ANKS1B: variants seen among roughly 807,000 people sequenced by gnomAD.
ANKS1B encodes ankyrin repeat and sterile alpha motif domain-containing protein 1B.
In ANKS1B, 36 loss-of-function variants were observed where a neutral mutation model predicts 148.3. That is an observed-to-expected ratio of 0.24 (90% confidence interval 0.19 to 0.32). The LOEUF (loss-of-function observed/expected upper bound fraction) is 0.32. ANKS1B is among the 10% of genes least tolerant of loss of function. The pLI is 1.00. For synonymous variants in ANKS1B, 542 were observed against 560.8 expected (o/e 0.97, Z 0.47); for missense variants, 1,157 against 1,542.6 (o/e 0.75, Z 4.19).
intron 17 of ANKS1B, among the ~76,000 whole-genome samples, chr12:99,036,932 C>G (rs920638835): frequency 1.3e-5 from 2 of 152,316 alleles, no homozygotes; most frequent in East Asian, 3.9e-4. Flanking sequence ...ACAGAATCAC[C>G]ATAAGGCTCT....
chr12:98,766,029 T>C (rs1213424270), intron 25 of ANKS1B, among the ~76,000 whole-genome samples: 1 of 152,214 alleles, frequency 6.6e-6, no homozygotes, highest in Non-Finnish European at 1.5e-5. Context: ...AACAAATACA[T>C]GCATAAATGC....
At chr12:99,398,001 T>C (rs1223644701) in intron 12 of ANKS1B, among the ~76,000 whole-genome samples, 1 of 152,104 alleles carries the variant, frequency 6.6e-6, no homozygotes, top group East Asian at 1.9e-4. Context: ...AAAGCCAGTA[T>C]GGCCAGGATG....
At chr12:99,713,938 T>C (rs2056964788) in intron 8 of ANKS1B, among the ~76,000 whole-genome samples, 1 of 152,220 alleles carries the variant, frequency 6.6e-6, no homozygotes, top group Non-Finnish European at 1.5e-5. Flanking sequence ...TCTGCTCCAA[T>C]AAATTCTCAC....
intron 17 of ANKS1B, among the ~76,000 whole-genome samples, chr12:98,907,204 T>C (rs190224299): frequency 1.5e-3 from 231 of 152,336 alleles, no homozygotes; most frequent in African/African-American, 5.3e-3. Flanking sequence ...CCCCTTTGCA[T>C]ATTCGTTGTT....
At chr12:98,803,428 G>A (rs540035850) in intron 20 of ANKS1B, among the ~76,000 whole-genome samples, 1 of 152,264 alleles carries the variant, frequency 6.6e-6, no homozygotes, top group South Asian at 2.1e-4. Context: ...AACAGGTATT[G>A]TACATTTAAG....
At chr12:99,438,541 C>T (rs2095498200) in intron 11 of ANKS1B, among the ~76,000 whole-genome samples, 1 of 151,848 alleles carries the variant, frequency 6.6e-6, no homozygotes, top group Non-Finnish European at 1.5e-5. Flanking sequence ...TCCAAAGTCC[C>T]AATCAACAAG....
intron 14 of ANKS1B, among the ~76,000 whole-genome samples, chr12:99,200,266 A>C (rs1265163199): frequency 6.6e-6 from 1 of 152,238 alleles, no homozygotes; most frequent in African/African-American, 2.4e-5. Context: ...ATCAGATAAA[A>C]TATTTATGAT....
intron 11 of ANKS1B, among the ~76,000 whole-genome samples, chr12:99,440,535 A>AATCCTC (rs1399331722): frequency 6.6e-6 from 1 of 151,828 alleles, no homozygotes; most frequent in Non-Finnish European, 1.5e-5. Flanking sequence ...TGAATTTGAA[A>AATCCTC]TAGATTGCTT....
intron 4 of ANKS1B, among the ~76,000 whole-genome samples, chr12:99,805,710 C>T (rs1319755625): frequency 6.6e-6 from 1 of 151,816 alleles, no homozygotes; most frequent in Non-Finnish European, 1.5e-5. Context: ...TGTGGAGAAA[C>T]AAAACCTATC....
intron 14 of ANKS1B, among the ~76,000 whole-genome samples, chr12:99,176,664 G>A (rs532107074): frequency 6.6e-5 from 10 of 152,252 alleles, no homozygotes; most frequent in African/African-American, 2.4e-4. Context: ...TGAATGGCTT[G>A]GGCCATCCCC....
intron 9 of ANKS1B, chr12:99,649,166 C>A: frequency 1.3e-6 from 1 of 782,628 alleles, no homozygotes; most frequent in Non-Finnish European, 2.2e-6. Context: ...CACTTATATA[C>A]ATTGGTGGCA....
intron 15 of ANKS1B, among the ~76,000 whole-genome samples, chr12:99,088,574 A>G (rs2052795166): frequency 6.6e-6 from 1 of 152,152 alleles, no homozygotes; most frequent in Non-Finnish European, 1.5e-5. Context: ...TGACAAATCA[A>G]TCTTGGTATG....
At chr12:99,520,888 C>A (rs887785249) in intron 9 of ANKS1B, among the ~76,000 whole-genome samples, 7 of 152,270 alleles carry the variant, frequency 4.6e-5, no homozygotes, top group South Asian at 2.1e-4. Flanking sequence ...CCTTCACTTC[C>A]TTGGTTCAAA....
At chr12:99,428,629 T>G (rs2152741120) in intron 11 of ANKS1B, among the ~76,000 whole-genome samples, 1 of 152,320 alleles carries the variant, frequency 6.6e-6, no homozygotes, top group South Asian at 2.1e-4. Context: ...TGTATATTTG[T>G]GTATACATAC....
chr12:99,151,691 G>A (rs1050708116), intron 15 of ANKS1B, among the ~76,000 whole-genome samples: 1 of 152,074 alleles, frequency 6.6e-6, no homozygotes, highest in Non-Finnish European at 1.5e-5. Flanking sequence ...AACAGATTTA[G>A]CAAATAATTT....
At position 98,875,939 on chromosome 12, in the gene ANKS1B, T is replaced by C. The variant is rs544537720; in HGVS notation, c.2779-43803A>G. 9.2e-5 allele frequency among the ~76,000 whole-genome samples: 14 copies of C among 152,232 alleles called. No individual in the cohort carries two copies. The South Asian group carries it at 2.7e-3, about 29-fold the overall frequency. On this transcript the variant is annotated intron_variant, in intron 17 of 26. Coordinates refer to ENST00000683438, the MANE Select transcript of ANKS1B (RefSeq NM_001352186.2). ...CACCTGTTGGCCGGTGGCTCTTGAA[T>C]TCAGTCTTCCTCATTCATCTGGCCT...
chr12:99,015,225 G>T (rs566932969), intron 17 of ANKS1B, among the ~76,000 whole-genome samples: 1 of 152,106 alleles, frequency 6.6e-6, no homozygotes, highest in Non-Finnish European at 1.5e-5. Context: ...TCCTTTGCAG[G>T]GACATGGATG....
At chr12:99,051,422 T>A (rs1177567631) in intron 17 of ANKS1B, among the ~76,000 whole-genome samples, 1 of 152,214 alleles carries the variant, frequency 6.6e-6, no homozygotes. Context: ...AAATGTTACA[T>A]AGGGATATTT....
At chr12:99,607,044 G>A (rs933865615) in intron 9 of ANKS1B, among the ~76,000 whole-genome samples, 39 of 152,096 alleles carry the variant, frequency 2.6e-4, no homozygotes, top group African/African-American at 8.9e-4. Flanking sequence ...AGACAGCTGT[G>A]AAGACAATGC....
Sources: gnomAD v4.1 joint callset for allele counts (sites outside exome capture counted in the v4.1 genomes callset) on GRCh38, gnomAD v4.1.1 for gene constraint, MANE v1.5 for transcripts, NCBI Gene and HGNC (gene_info 2026-07-23, HGNC 2026-07-21) for gene names.